LMF1: variants seen among roughly 807,000 people sequenced by gnomAD.
LMF1 encodes lipase maturation factor 1.
In LMF1, 68 loss-of-function variants were observed where a neutral mutation model predicts 60.6. The observed-to-expected ratio is 1.12, with a 90% CI of 0.92 to 1.37. LMF1 has a LOEUF of 1.37. Among genes scored for constraint, LMF1 ranks in the 40% most tolerant of loss-of-function variants. LMF1 has a pLI of 0.00. For missense variants in LMF1, 948 were observed against 767.2 expected (o/e 1.24, Z -2.78); for synonymous variants, 418 against 324.7 (o/e 1.29, Z -3.09).
intron 10 of LMF1, among the ~76,000 whole-genome samples, chr16:863,024 A>T (rs1278861198): frequency 6.6e-6 from 1 of 152,154 alleles, no homozygotes; most frequent in Non-Finnish European, 1.5e-5. Flanking sequence ...GGGCTATTTA[A>T]ATTATTATTT....
At chr16:922,395 C>T (rs1001483348) in intron 3 of LMF1, among the ~76,000 whole-genome samples, 2 of 152,230 alleles carry the variant, frequency 1.3e-5, no homozygotes, top group African/African-American at 2.4e-5. Context: ...GCAGAGCGGC[C>T]ACTGGGGAAC....
Position 870,583 on chromosome 16 carries a change from C to T in LMF1, c.1232+146G>A, listed in dbSNP as rs544696917. 219 of 930,122 alleles carry T rather than the reference C, an allele frequency of 2.4e-4. No individual in the cohort carries two copies. In the South Asian group the frequency reaches 2.8e-3, roughly 12 times the overall value. 57.6% of individuals were successfully genotyped at this position (930,122 alleles called of 1,614,324 possible). A position where few individuals can be genotyped will look rare whatever the true frequency, so the allele number is the denominator to read the frequency against. On this transcript the variant is annotated intron_variant, in intron 8 of 10. Transcript: ENST00000262301. ...TCCAGGCCCGGTAGTGGGGACAGCA[C>T]GGCCTGTGCCTGGGTCAGGCTGGGG...
chr16:930,080 G>A (rs535710430), intron 3 of LMF1, among the ~76,000 whole-genome samples: 5 of 93,590 alleles, frequency 5.3e-5, no homozygotes, highest in Admixed American at 1.2e-4. Context: ...GGTCACGTCC[G>A]TCTGAACGGG....
intron 3 of LMF1, among the ~76,000 whole-genome samples, chr16:923,303 TC>T (rs1222561677): frequency 1.3e-5 from 2 of 151,950 alleles, no homozygotes; most frequent in South Asian, 2.1e-4. Flanking sequence ...CCTACGAGGG[TC>T]CCCAGCTGTC....
At chr16:894,644 G>C (rs181645846) in intron 4 of LMF1, among the ~76,000 whole-genome samples, 1 of 152,362 alleles carries the variant, frequency 6.6e-6, no homozygotes, top group Admixed American at 6.5e-5. Context: ...TGCAGGTTCG[G>C]AGGCGATGGC....
At chr16:914,132 G>A (rs1235334019) in intron 3 of LMF1, among the ~76,000 whole-genome samples, 1 of 151,832 alleles carries the variant, frequency 6.6e-6, no homozygotes, top group Non-Finnish European at 1.5e-5. Context: ...CTGGGGACAG[G>A]GACATCCCCA....
In LMF1 at chr16:923,747, C is replaced by A. The variant is rs78301668; in HGVS notation, c.514+10497G>T. ...AACTCATCAGTGGCCCCCAATCTGG[C>A]AGAGTTAACCTGCCCCACAATCTCC... On this transcript the variant is annotated intron_variant, in intron 3 of 10. Transcript: ENST00000262301. Among the ~76,000 whole-genome samples the A allele has an allele frequency of 2.9e-3, 441 of 152,286 alleles. 3 individuals carry two copies. Among genetic ancestry groups the A allele is most frequent in the African/African-American group, 0.01 (422 of 41,548 alleles).
chr16:863,002 T>C (rs1424061736), intron 10 of LMF1, among the ~76,000 whole-genome samples: 1 of 152,218 alleles, frequency 6.6e-6, no homozygotes, highest in Admixed American at 6.5e-5. Context: ...ACAAATTCAA[T>C]TTCTAGTTAT....
rs1429191380 is a variant in LMF1 at position 870,756 on chromosome 16, A to ATGTGAAGAG, written c.1196_1204dup (p.His401_Ile402insThrLeuHis). 2 of 1,612,862 alleles carry ATGTGAAGAG rather than the reference A, an allele frequency of 1.2e-6. No homozygotes were observed. The highest frequency in any genetic ancestry group is 1.7e-6 in the Non-Finnish European group (2 of 1,179,790). ...TCCGAAGGCCCCGTAAGTGTTGACGATGTGAAGAGAGTTGAAGTGGGTGTT... is the reference window on the plus strand; with the variant it reads ...TCCGAAGGCCCCGTAAGTGTTGACGATGTGAAGAGTGTGAAGAGAGTTGAAGTGGGTGTT... On this transcript the variant is annotated inframe_insertion, in exon 8 of 11. Coordinates refer to ENST00000262301, the MANE Select transcript of LMF1 (RefSeq NM_022773.4).
intron 3 of LMF1, among the ~76,000 whole-genome samples, chr16:929,711 A>T (rs1053409748): frequency 4.6e-5 from 7 of 152,252 alleles, no homozygotes; most frequent in African/African-American, 1.4e-4. Context: ...GCAGCCCTCA[A>T]AGCTCAGCTC....
At chr16:923,106 C>T (rs1020958323) in intron 3 of LMF1, among the ~76,000 whole-genome samples, 18 of 150,470 alleles carry the variant, frequency 1.2e-4, no homozygotes, top group African/African-American at 3.9e-4. Context: ...GTGTGAAAGT[C>T]GCCTGGGTTT....
intron 3 of LMF1, among the ~76,000 whole-genome samples, chr16:932,779 A>G (rs944599133): frequency 1.3e-5 from 2 of 152,214 alleles, no homozygotes; most frequent in African/African-American, 4.8e-5. Flanking sequence ...TAAATGTTGA[A>G]GAATGTAGTT....
intron 5 of LMF1, among the ~76,000 whole-genome samples, chr16:880,536 G>A (rs2070131512): frequency 6.6e-6 from 1 of 152,244 alleles, no homozygotes; most frequent in South Asian, 2.1e-4. Flanking sequence ...TGGGCATGGT[G>A]GTGCGTGCCT....
chr16:879,164 C>A (rs2151713293), intron 6 of LMF1, among the ~76,000 whole-genome samples: 1 of 152,270 alleles, frequency 6.6e-6, no homozygotes, highest in East Asian at 1.9e-4. Flanking sequence ...TCTCTCAGAC[C>A]CTGGTTCCCC....
At chr16:931,336 G>T (rs1036816781) in intron 3 of LMF1, among the ~76,000 whole-genome samples, 4 of 152,258 alleles carry the variant, frequency 2.6e-5, no homozygotes, top group Non-Finnish European at 4.4e-5. Context: ...CTCGGGGCAC[G>T]CACTGCCTGA....
chr16:976,176 C>A (rs549035897), intron 1 of LMF1: 14 of 453,062 alleles, frequency 3.1e-5, no homozygotes, highest in Admixed American at 1.4e-4. Flanking sequence ...CCTCAGCCCC[C>A]CAGTGCCTGG....
At chr16:859,234 C>T (rs1455190996) in intron 10 of LMF1, among the ~76,000 whole-genome samples, 3 of 109,464 alleles carry the variant, frequency 2.7e-5, no homozygotes, top group Non-Finnish European at 5.0e-5. Context: ...AGTGGTGTCA[C>T]GGGACGGGTG....
At chr16:873,577 A>G (rs1288442342) in intron 6 of LMF1, 1 of 152,132 alleles carries the variant, frequency 6.6e-6, no homozygotes, top group Admixed American at 6.5e-5. Flanking sequence ...TCTGCCGAGG[A>G]CACGCCCGCG....
chr16:967,846 G>A (rs1433763274), intron 1 of LMF1, among the ~76,000 whole-genome samples: 2 of 152,188 alleles, frequency 1.3e-5, no homozygotes, highest in Admixed American at 6.5e-5. Context: ...CTGCTTCCTC[G>A]CTGTCCACTG....
Sources: allele counts gnomAD v4.1 joint callset (sites outside exome capture counted in the v4.1 genomes callset), GRCh38; gene constraint gnomAD v4.1.1; transcripts MANE v1.5; gene names NCBI Gene and HGNC (gene_info 2026-07-23, HGNC 2026-07-21).